Variants in FHIT observed in about 807,000 individuals in gnomAD.
FHIT encodes fragile histidine triad diadenosine triphosphatase.
FHIT carries 19 observed loss-of-function variants against 17.9 expected under a neutral mutation model. The observed-to-expected ratio is 1.06, with a 90% confidence interval of 0.74 to 1.56. The LOEUF is 1.56. FHIT is among the 40% of genes most tolerant of loss of function. The probability of loss-of-function intolerance (pLI) is 0.00; values close to 1 mark genes in which losing one functional copy is unlikely to be tolerated. For missense variants in FHIT, 248 were observed against 189.2 expected (o/e 1.31, Z -1.82); for synonymous variants, 81 against 69.7 (o/e 1.16, Z -0.81).
At chr3:59,786,385 C>T (rs1699296962) in intron 8 of FHIT, among the ~76,000 whole-genome samples, 1 of 152,124 alleles carries the variant, frequency 6.6e-6, no homozygotes, top group Non-Finnish European at 1.5e-5. Flanking sequence ...GGAGCTTTAC[C>T]TTTACAAATT....
intron 5 of FHIT, among the ~76,000 whole-genome samples, chr3:60,337,564 G>C (rs1013459199): frequency 1.9e-4 from 29 of 152,258 alleles, no homozygotes; most frequent in African/African-American, 6.7e-4. Flanking sequence ...CATAACTTAA[G>C]TGACAAAACC....
At chr3:60,006,210 GA>G (rs953270644) in intron 7 of FHIT, among the ~76,000 whole-genome samples, 3 of 152,302 alleles carry the variant, frequency 2.0e-5, no homozygotes, top group African/African-American at 7.2e-5. Flanking sequence ...CCCCAATTAA[GA>G]AGGCAGATTT....
At chr3:59,993,424 A>T (rs1278378539) in intron 7 of FHIT, among the ~76,000 whole-genome samples, 1 of 152,040 alleles carries the variant, frequency 6.6e-6, no homozygotes, top group Admixed American at 6.6e-5. Flanking sequence ...AATAACACCA[A>T]TGTGAGTGTA....
chr3:60,576,180 T>A (rs569065221), intron 4 of FHIT, among the ~76,000 whole-genome samples: 1 of 151,470 alleles, frequency 6.6e-6, no homozygotes, highest in African/African-American at 2.4e-5. Context: ...AAGGAAAAAA[T>A]CAGTTTAAGA....
chr3:60,567,305 A>G (rs6766863), intron 4 of FHIT, among the ~76,000 whole-genome samples: 82,931 of 149,806 alleles, frequency 0.55, 22,810 homozygotes, highest in Middle Eastern at 0.62. Context: ...AAATAATGCC[A>G]CATATCTACA....
chr3:60,347,921 G>C (rs1710878625), intron 5 of FHIT, among the ~76,000 whole-genome samples: 1 of 151,934 alleles, frequency 6.6e-6, no homozygotes, highest in Admixed American at 6.6e-5. Flanking sequence ...ACCATGCCCG[G>C]CTAATTTTTG....
intron 4 of FHIT, among the ~76,000 whole-genome samples, chr3:60,648,197 T>A (rs1017343093): frequency 7.9e-5 from 12 of 152,282 alleles, no homozygotes; most frequent in African/African-American, 2.9e-4. Context: ...ATCAATGAAC[T>A]GAAAATTTAT....
intron 5 of FHIT, among the ~76,000 whole-genome samples, chr3:60,492,276 A>G (rs900992077): frequency 2.0e-5 from 3 of 152,236 alleles, no homozygotes; most frequent in Admixed American, 6.5e-5. Context: ...AACATTCAGC[A>G]TTTAAAATAT....
intron 5 of FHIT, among the ~76,000 whole-genome samples, chr3:60,394,777 G>A (rs1380171881): frequency 1.3e-5 from 2 of 152,148 alleles, no homozygotes; most frequent in Non-Finnish European, 2.9e-5. Flanking sequence ...CTGTGCTGCT[G>A]TCAGCATCAC....
At chr3:59,805,559 C>T (rs915891004) in intron 8 of FHIT, among the ~76,000 whole-genome samples, 1 of 152,114 alleles carries the variant, frequency 6.6e-6, no homozygotes, top group Non-Finnish European at 1.5e-5. Flanking sequence ...CTAAGTGTCC[C>T]CAGTTTATTG....
At chr3:61,000,471 G>A (rs1252590245) in intron 3 of FHIT, among the ~76,000 whole-genome samples, 1 of 152,156 alleles carries the variant, frequency 6.6e-6, no homozygotes, top group African/African-American at 2.4e-5. Context: ...ACATCTCCAG[G>A]AAAATCAGTC....
chr3:59,935,313 G>T (rs1386661334), intron 7 of FHIT, among the ~76,000 whole-genome samples: 1 of 152,158 alleles, frequency 6.6e-6, no homozygotes, highest in African/African-American at 2.4e-5. Context: ...TAGTACATGT[G>T]CTTGGTAGAA....
chr3:60,213,825 G>C (rs574991550), intron 5 of FHIT, among the ~76,000 whole-genome samples: 10 of 152,158 alleles, frequency 6.6e-5, no homozygotes, highest in Non-Finnish European at 1.3e-4. Context: ...AGAGTATCAG[G>C]AGCATAAGAG....
chr3:60,801,606 G>A (rs562036981), intron 4 of FHIT, among the ~76,000 whole-genome samples: 3 of 152,338 alleles, frequency 2.0e-5, no homozygotes, highest in East Asian at 1.9e-4. Context: ...AGTTAGGCAC[G>A]TCATGTGACC....
chr3:59,903,719 A>C (rs917422674), intron 8 of FHIT, among the ~76,000 whole-genome samples: 5 of 152,218 alleles, frequency 3.3e-5, no homozygotes, highest in Non-Finnish European at 2.9e-5. Flanking sequence ...AGGAGAAATC[A>C]CCAAAGGCAG....
chr3:59,895,991 C>G (rs1255498389), intron 8 of FHIT, among the ~76,000 whole-genome samples: 9 of 152,326 alleles, frequency 5.9e-5, no homozygotes, highest in Non-Finnish European at 8.8e-5. Context: ...GGCACTTTCA[C>G]ATAATTCAGG....
chr3:60,408,850 CA>C (rs1284166316), intron 5 of FHIT, among the ~76,000 whole-genome samples: 2 of 151,872 alleles, frequency 1.3e-5, no homozygotes, highest in Admixed American at 6.6e-5. Context: ...TTTTTAAAAA[CA>C]AAAAACAAAA....
chr3:61,246,093 C>G (rs898166217), intron 1 of FHIT, among the ~76,000 whole-genome samples: 2 of 152,178 alleles, frequency 1.3e-5, no homozygotes, highest in African/African-American at 4.8e-5. Flanking sequence ...AGCGCCATGA[C>G]AGTTTAAAAA....
chr3:60,376,386 A>T lies in FHIT; in HGVS notation c.103+160474T>A, dbSNP rs1340044623. ...TTAGAAGACTGGAATACTGTTTACAAGGTGTGAACTTTCTGGAAAAGTCCA... is the reference window on the plus strand; with the variant it reads ...TTAGAAGACTGGAATACTGTTTACATGGTGTGAACTTTCTGGAAAAGTCCA... On this transcript the variant is annotated intron_variant, in intron 5 of 9. Coordinates refer to ENST00000492590, the MANE Select transcript of FHIT (RefSeq NM_002012.4). Among the ~76,000 whole-genome samples, 4 of 152,248 alleles carry T rather than the reference A, an allele frequency of 2.6e-5. 1 individual carries two copies. Among genetic ancestry groups the T allele is most frequent in the Non-Finnish European group, 5.9e-5 (4 of 68,038 alleles).
Sources: allele counts gnomAD v4.1 joint callset (sites outside exome capture counted in the v4.1 genomes callset), GRCh38; gene constraint gnomAD v4.1.1; transcripts MANE v1.5; gene names NCBI Gene and HGNC (gene_info 2026-07-23, HGNC 2026-07-21).